ITPR3: variants seen among roughly 807,000 people sequenced by gnomAD.
The protein encoded by ITPR3 is inositol 1,4,5-trisphosphate-gated calcium channel ITPR3.
Under a neutral mutation model 293.2 loss-of-function variants are expected in ITPR3, and 173 were observed. The ratio of observed to expected loss-of-function variants is 0.59; its 90% CI spans 0.52 to 0.67. The LOEUF (loss-of-function observed/expected upper bound fraction) is 0.67, where lower values mean the gene tolerates loss of function less well. Ranked by LOEUF, ITPR3 falls within the 30% of genes least tolerant of loss-of-function variation. The pLI, the probability that ITPR3 is intolerant of heterozygous loss-of-function variation, is 0.00. For synonymous variants in ITPR3, 1,295 were observed against 1,444.4 expected (o/e 0.90, Z 2.35); for missense variants, 2,796 against 3,592.1 (o/e 0.78, Z 5.66).
rs1298341503 is a variant in ITPR3, at chr6:33,671,323, G to A, written c.2728+17G>A. ...ACCCCGGTGGTGAGGCCTTTGCCCG[G>A]CTCGGGCCACCCTGGTGGTCCTCAG... On this transcript the variant is annotated intron_variant, in intron 21 of 57. Coordinates refer to ENST00000605930, the MANE Select transcript of ITPR3 (RefSeq NM_002224.4). The A allele has an allele frequency of 4.4e-6, 7 of 1,593,318 alleles. No homozygotes were observed. The highest frequency in any genetic ancestry group is 6.0e-6 in the Non-Finnish European group (7 of 1,167,166).
At chr6:33,671,896 T>G in intron 21 of ITPR3, 133 bp from the exon 22 acceptor site, 5 of 890,988 alleles carry the variant, frequency 5.6e-6, no homozygotes, top group South Asian at 1.8e-5. Context: ...GCCCTGTCCC[T>G]TCCTTAGCAA....
At chr6:33,634,450 T>A (rs1454899807) in intron 1 of ITPR3, among the ~76,000 whole-genome samples, 16 of 151,930 alleles carry the variant, frequency 1.1e-4, no homozygotes, top group Non-Finnish European at 2.4e-4. Flanking sequence ...TGACCGACCC[T>A]CCCTGCTTTC....
chr6:33,626,048 A>T (rs10947416), intron 1 of ITPR3, among the ~76,000 whole-genome samples: 1 of 152,162 alleles, frequency 6.6e-6, no homozygotes, highest in Non-Finnish European at 1.5e-5. Flanking sequence ...AATCCTTACA[A>T]CTCAGCCGCC....
At chr6:33,662,473 G>T in intron 7 of ITPR3, 55 bp from the exon 8 acceptor site, 1 of 1,530,506 alleles carries the variant, frequency 6.5e-7, no homozygotes, top group Non-Finnish European at 8.7e-7. Context: ...CCCTGGGTGG[G>T]TCCTTGAGCC....
In ITPR3 at chr6:33,632,396, C is replaced by G. The variant is rs1312049090; in HGVS notation, c.90-8088C>G. 6.6e-6 allele frequency among the ~76,000 whole-genome samples: 1 copy of G among 152,172 alleles called. No homozygotes were observed. The highest frequency in any genetic ancestry group is 1.5e-5 in the Non-Finnish European group (1 of 68,026). On this transcript the variant is annotated intron_variant, in intron 1 of 57. Transcript: ENST00000605930. The surrounding 1 kb of genome is among the most constrained non-coding windows in gnomAD (Gnocchi z 4.1). ...TGCCCCACTTCTATCTAGCTCCCTTCCTCCTCCTTATCTAATCTTTCCAGA... is the reference window on the plus strand; with the variant it reads ...TGCCCCACTTCTATCTAGCTCCCTTGCTCCTCCTTATCTAATCTTTCCAGA...
At position 33,670,329 on chromosome 6, in the gene ITPR3, C is replaced by A; in HGVS notation, c.2194C>A (p.Gln732Lys). ...DENVLSYYRYQLKLFARMCLD... is the reference protein window; with the variant it reads ...DENVLSYYRYKLKLFARMCLD... Reference sequence around the variant, plus strand: ...ACAGTCCTCCCTGTCCTGCAGGTACCAGCTGAAGCTCTTTGCCCGCATGTG... The same window carrying A: ...ACAGTCCTCCCTGTCCTGCAGGTACAAGCTGAAGCTCTTTGCCCGCATGTG... Residue 732 changes from glutamine to lysine, a missense_variant, in exon 19 of 58, where the codon CAG becomes AAG. By Grantham distance (53) the Gln-to-Lys change is moderately conservative. Coordinates refer to ENST00000605930, the MANE Select transcript of ITPR3 (RefSeq NM_002224.4). This position sits in a 1 kb window ranked among gnomAD's most constrained non-coding sequence, Gnocchi z 6.7. 3.7e-6 allele frequency: 6 copies of A among 1,614,044 alleles called. No homozygotes were observed. The highest frequency in any genetic ancestry group is 4.2e-6 in the Non-Finnish European group (5 of 1,180,040).
In ITPR3 at chr6:33,683,263, C is replaced by G. The variant is rs9461899; in HGVS notation, c.4654C>G (p.Leu1552Val). The G allele has an allele frequency of 1.3e-6, 2 of 1,570,444 alleles. No individual in the cohort carries two copies. Among genetic ancestry groups the G allele is most frequent in the Non-Finnish European group, 8.6e-7 (1 of 1,157,794 alleles). Residue 1552 changes from leucine to valine, a missense_variant, in exon 35 of 58, where the codon CTC becomes GTC. Leu to Val is a conservative substitution (Grantham distance 32). Coordinates refer to ENST00000605930, the MANE Select transcript of ITPR3 (RefSeq NM_002224.4). The surrounding 1 kb of genome is among the most constrained non-coding windows in gnomAD (Gnocchi z 4.5). ...CCTGGATGCCCACATCAGCTCGATG[C>G]TCAGCAGTGGAGCCAGCTGTGCAGC... Reference protein sequence around the residue: ...MDLDAHISSMLSSGASCAAAA... With the variant: ...MDLDAHISSMVSSGASCAAAA...
At position 33,685,861 on chromosome 6, in the gene ITPR3, C is replaced by T. The variant is rs6915878; in HGVS notation, c.5667+34C>T. On this transcript the variant is annotated intron_variant, in intron 41 of 57. Coordinates refer to ENST00000605930, the MANE Select transcript of ITPR3 (RefSeq NM_002224.4). ...CTCGCCACACACCTGCCCCTTCCCC[C>T]GCTGGCCAGCCGGCATGCAGACTAG... 0.051 allele frequency: 78,986 copies of T among 1,547,704 alleles called. 3,576 individuals carry two copies. The highest frequency in any genetic ancestry group is 0.24 in the African/African-American group (17,276 of 73,340).
intron 6 of ITPR3, 110 bp downstream of exon 6, chr6:33,659,229 C>A: frequency 9.2e-7 from 1 of 1,088,348 alleles, no homozygotes; most frequent in Non-Finnish European, 1.4e-6. Context: ...ATCTGACCTG[C>A]CGGACAAGCT....
chr6:33,647,651 A>G (rs1764098938), intron 2 of ITPR3, among the ~76,000 whole-genome samples: 3 of 152,148 alleles, frequency 2.0e-5, no homozygotes, highest in African/African-American at 7.2e-5. Flanking sequence ...ACTTAGCATA[A>G]TGGGTTCATC....
chr6:33,687,395 A>ACCCCCCAG lies in ITPR3; in HGVS notation c.6177+68_6177+69insCCCCCCAG. ...ACCATACCCCGCCCCAGCTGCCATC[A>ACCCCCCAG]TCCCCCAGTCGCCATTGTCGCCCCC... is the stretch of plus-strand genomic sequence containing the variant. On this transcript the variant is annotated intron_variant, in intron 45 of 57. Transcript: ENST00000605930. The surrounding 1 kb of genome is among the most constrained non-coding windows in gnomAD (Gnocchi z 5.3). The ACCCCCCAG allele has an allele frequency of 6.9e-7, 1 of 1,455,994 alleles. No homozygotes were observed. Among genetic ancestry groups the ACCCCCCAG allele is most frequent in the East Asian group, 2.4e-5 (1 of 41,994 alleles). The allele number at this position is 1,455,994 out of a possible 1,614,324, so 90.2% of individuals were successfully genotyped here. A position where few individuals can be genotyped will look rare whatever the true frequency, so the allele number is the denominator to read the frequency against.
intron 1 of ITPR3, among the ~76,000 whole-genome samples, chr6:33,635,515 G>A (rs1212724632): frequency 2.0e-5 from 3 of 152,106 alleles, no homozygotes; most frequent in African/African-American, 7.2e-5. Flanking sequence ...GTGCCCTCAC[G>A]GCACTTAACA....
At position 33,696,059 on chromosome 6, in the gene ITPR3, T is replaced by C; in HGVS notation, c.*279T>C. ...AAGATAAATCCTACCTAGAGACCTTTGTTCCTTAAAGCAATAACTGACAAC... is the reference window on the plus strand; with the variant it reads ...AAGATAAATCCTACCTAGAGACCTTCGTTCCTTAAAGCAATAACTGACAAC... On this transcript the variant is annotated 3_prime_UTR_variant, in exon 58 of 58. Coordinates refer to ENST00000605930, the MANE Select transcript of ITPR3 (RefSeq NM_002224.4). 2.2e-6 allele frequency: 1 copy of C among 455,816 alleles called. No homozygotes were observed. The highest frequency in any genetic ancestry group is 1.9e-5 in the African/African-American group (1 of 51,622). 28.2% of individuals were successfully genotyped at this position (455,816 alleles called of 1,614,324 possible). A position where few individuals can be genotyped will look rare whatever the true frequency, so the allele number is the denominator to read the frequency against.
chr6:33,662,016 A>AAAAAAAAAC (rs1195798519), intron 7 of ITPR3, among the ~76,000 whole-genome samples: 1 of 147,454 alleles, frequency 6.8e-6, no homozygotes, highest in Non-Finnish European at 1.5e-5. Context: ...AAAAAAAAAA[A>AAAAAAAAAC]AGACAGGATC....
intron 1 of ITPR3, among the ~76,000 whole-genome samples, chr6:33,625,792 C>T (rs1763536899): frequency 6.6e-6 from 1 of 152,166 alleles, no homozygotes; most frequent in African/African-American, 2.4e-5. Context: ...ACCTGCTTCC[C>T]TGGAGGTCAG....
chr6:33,661,078 C>T (rs1764451868), intron 7 of ITPR3, among the ~76,000 whole-genome samples: 1 of 152,216 alleles, frequency 6.6e-6, no homozygotes, highest in African/African-American at 2.4e-5. Context: ...CTTTCTGGTG[C>T]TAAGTCCACT....
chr6:33,673,916 G>A (rs1327427739), intron 23 of ITPR3, among the ~76,000 whole-genome samples, 196 bp downstream of exon 23: 1 of 152,230 alleles, frequency 6.6e-6, no homozygotes, highest in Non-Finnish European at 1.5e-5. Context: ...TGGGGAAACT[G>A]AGGCTCACAG....
At chr6:33,653,891 TG>T (rs1764248327) in intron 2 of ITPR3, among the ~76,000 whole-genome samples, 1 of 152,124 alleles carries the variant, frequency 6.6e-6, no homozygotes, top group South Asian at 2.1e-4. Flanking sequence ...CAAAATGATG[TG>T]GGGAAGCCCT....
intron 13 of ITPR3, among the ~76,000 whole-genome samples, 183 bp from the exon 14 acceptor site, chr6:33,665,652 G>A (rs888154676): frequency 2.0e-5 from 3 of 152,120 alleles, no homozygotes; most frequent in South Asian, 2.1e-4. Context: ...GGGGCTGGGC[G>A]TGTTTGGAGA....
Sources: allele counts gnomAD v4.1 joint callset (sites outside exome capture counted in the v4.1 genomes callset), GRCh38; gene constraint gnomAD v4.1.1; non-coding constraint Gnocchi (gnomAD v3.1); transcripts MANE v1.5; gene names NCBI Gene and HGNC (gene_info 2026-07-23, HGNC 2026-07-21).